The following ZNF878 variants were observed in gnomAD, a reference collection of about 807,000 sequenced individuals.
ZNF878 encodes the protein zinc finger protein 878.
A neutral mutation model predicts 11.1 loss-of-function variants in ZNF878; 10 were observed. The ratio of observed to expected loss-of-function variants is 0.90; its 90% confidence interval spans 0.56 to 1.53. The LOEUF is 1.53. ZNF878 is among the 40% of genes most tolerant of loss of function. The pLI is 0.00. For synonymous variants in ZNF878, 165 were observed against 209.7 expected, an observed-to-expected ratio of 0.79 and a Z score of 1.84; for missense variants, 548 against 626.1, an observed-to-expected ratio of 0.88 and a Z score of 1.33.
intron 1 of ZNF878, among the ~76,000 whole-genome samples, chr19:12,049,299 A>G (rs1419096485): frequency 1.3e-5 from 2 of 150,822 alleles, no homozygotes; most frequent in African/African-American, 4.9e-5. Flanking sequence ...CATCTCTACT[A>G]AAAATACAAA....
At position 12,045,184 on chromosome 19, in the gene ZNF878, CAG is replaced by C. The variant is rs946851297; in HGVS notation, c.215_216del (p.Ser72Ter). The C allele has an allele frequency of 2.5e-6, 4 of 1,609,568 alleles. No individual in the cohort carries two copies. Among genetic ancestry groups the C allele is most frequent in the Non-Finnish European group, 3.4e-6 (4 of 1,177,786 alleles). On this transcript the variant is annotated frameshift_variant, in exon 4 of 4. Coordinates refer to ENST00000547628, the MANE Select transcript of ZNF878 (RefSeq NM_001080404.3). LOFTEE classifies it low-confidence loss of function (END_TRUNC). ...NLRRLIGERL[S>X]ESKESHQHGE... is the part of the protein sequence containing the mutation. ...CCATGCTGATGACTTTCTTTACTTT[CAG>C]AGAGTCTCTCCCCTATAAGTCTTCT... is the stretch of plus-strand genomic sequence containing the variant.
In ZNF878 at chr19:12,044,078, A is replaced by G; in HGVS notation, c.1323T>C (p.His441=). 1 of 1,613,944 alleles carries G rather than the reference A, an allele frequency of 6.2e-7. No individual in the cohort carries two copies. The highest frequency in any genetic ancestry group is 1.3e-5 in the African/African-American group (1 of 74,952). Residue 441 remains histidine, a synonymous_variant, in exon 4 of 4, where the codon CAT becomes CAC. Coordinates refer to ENST00000547628, the MANE Select transcript of ZNF878 (RefSeq NM_001080404.3). ...VFRVASQLKM[H]ERTHTGEKPY... The stretch of plus-strand genomic sequence containing the variant: ...GTTTCTCTCCTGTGTGAGTCCTTTC[A>G]TGCATTTTAAGTTGTGAGGCAACTC...
At chr19:12,050,495 G>A (rs1012308382) in intron 1 of ZNF878, among the ~76,000 whole-genome samples, 1 of 152,156 alleles carries the variant, frequency 6.6e-6, no homozygotes, top group Non-Finnish European at 1.5e-5. Flanking sequence ...AATTTAAGCT[G>A]CTGGAACTCT....
At chr19:12,049,723 T>C (rs1405572022) in intron 1 of ZNF878, among the ~76,000 whole-genome samples, 4 of 150,526 alleles carry the variant, frequency 2.7e-5, no homozygotes, top group African/African-American at 9.8e-5. Context: ...TGAGCTGAAC[T>C]CACGCCATTG....
At chr19:12,052,336 T>C (rs1975559682) in intron 1 of ZNF878, among the ~76,000 whole-genome samples, 1 of 152,198 alleles carries the variant, frequency 6.6e-6, no homozygotes, top group African/African-American at 2.4e-5. Context: ...AAGCCAGGAC[T>C]GGGAGTTTCT....
At chr19:12,049,543 G>A (rs923576696) in intron 1 of ZNF878, among the ~76,000 whole-genome samples, 4 of 149,064 alleles carry the variant, frequency 2.7e-5, no homozygotes, top group South Asian at 2.1e-4. Context: ...AAGCCAAGGC[G>A]GGTGGAGCAT....
chr19:12,052,728 C>A, intron 1 of ZNF878, 71 bp downstream of exon 1: 1 of 1,528,552 alleles, frequency 6.5e-7, no homozygotes, highest in Non-Finnish European at 8.8e-7. Context: ...CGGGCCCCGC[C>A]ACAGCGGGTT....
rs1380736959 is a variant in ZNF878 at position 12,045,107 on chromosome 19, T to C, written c.294A>G (p.Gly98=). The stretch of plus-strand genomic sequence containing the variant: ...ACACACTGCTTTCATATGATTGTAC[T>C]CCAGGAGTTTTCTTCTTCAGTGTGT... The part of the protein sequence containing the change: ...PDDTLKKKTP[G]VQSYESSVCG... The change falls in exon 4 of 4, where the codon GGA becomes GGG. Residue 98 remains glycine (G), a synonymous_variant. Transcript: ENST00000547628. The C allele has an allele frequency of 6.2e-7, 1 of 1,613,334 alleles. No homozygotes were observed.
downstream of ZNF878, chr19:12,043,661 A>G: frequency 1.3e-6 from 1 of 760,062 alleles, no homozygotes; most frequent in Non-Finnish European, 2.1e-6. Flanking sequence ...AGCTGGTCTC[A>G]ACCTCTTCAG....
intron 1 of ZNF878, 136 bp from the exon 2 acceptor site, chr19:12,046,896 T>C: frequency 7.6e-7 from 1 of 1,314,882 alleles, no homozygotes. Flanking sequence ...GGTCATCAGA[T>C]CCCTTACTCT....
intron 3 of ZNF878, chr19:12,046,076 G>C (rs1400222045): frequency 8.8e-6 from 3 of 340,726 alleles, no homozygotes; most frequent in African/African-American, 2.1e-5. Context: ...CTTTTTGTCT[G>C]TTTAGTTTTG....
chr19:12,045,220 T>C lies in ZNF878; in HGVS notation c.192-11A>G, dbSNP rs760759497. 6.4e-7 allele frequency: 1 copy of C among 1,573,460 alleles called. No individual in the cohort carries two copies. The highest frequency in any genetic ancestry group is 8.6e-7 in the Non-Finnish European group (1 of 1,160,524). The stretch of plus-strand genomic sequence containing the variant: ...TCCCCTATAAGTCTTCTGTGAACAA[T>C]GAAAGCACATTATAATGGGTTTATC... On this transcript the variant is annotated splice_polypyrimidine_tract_variant and intron_variant, in intron 3 of 3. Transcript: ENST00000547628.
At position 12,044,125 on chromosome 19, in the gene ZNF878, T is replaced by C. The variant is rs1975429761; in HGVS notation, c.1276A>G (p.Lys426Glu). The change falls in exon 4 of 4, where the codon AAG (lysine) becomes GAG (glutamate). Residue 426 changes from lysine to glutamate, a missense_variant. Physicochemically the swap from Lys to Glu is moderately conservative, Grantham distance 56. Coordinates refer to ENST00000547628, the MANE Select transcript of ZNF878 (RefSeq NM_001080404.3). ...ACTCTAAAGACTTTACCACATTGCTTACATCCATAGGGTTTCTCTCCTGTG... is the reference window on the plus strand; with the variant it reads ...ACTCTAAAGACTTTACCACATTGCTCACATCCATAGGGTTTCTCTCCTGTG... The part of the protein sequence containing the change: ...THTGEKPYGC[K>E]QCGKVFRVAS... The C allele has an allele frequency of 4.3e-6, 7 of 1,614,062 alleles. No individual in the cohort carries two copies. The highest frequency in any genetic ancestry group is 1.6e-4 in the Middle Eastern group (1 of 6,062).
At chr19:12,046,861 A>G in intron 1 of ZNF878, 101 bp from the exon 2 acceptor site, 1 of 1,508,686 alleles carries the variant, frequency 6.6e-7, no homozygotes, top group Non-Finnish European at 9.0e-7. Flanking sequence ...TGGTGTGTGG[A>G]CTCCAAACAT....
chr19:12,045,048 T>C lies in ZNF878; in HGVS notation c.353A>G (p.Asn118Ser). ...ATAACTAAAGGCTCTGAGGTGCCTA[T>C]TAAGGGATGAAAGACCTATGCCGAT... Reference protein sequence around the residue: ...GEIGIGLSSLNRHLRAFSYSS... With the variant: ...GEIGIGLSSLSRHLRAFSYSS... Residue 118 changes from asparagine (N) to serine (S), a missense_variant, in exon 4 of 4, where the codon AAT becomes AGT. Coordinates refer to ENST00000547628, the MANE Select transcript of ZNF878 (RefSeq NM_001080404.3). 6.2e-7 allele frequency: 1 copy of C among 1,614,078 alleles called. No individual in the cohort carries two copies. Among genetic ancestry groups the C allele is most frequent in the Non-Finnish European group, 8.5e-7 (1 of 1,179,986 alleles).
chr19:12,052,036 A>C (rs1975556830), intron 1 of ZNF878, among the ~76,000 whole-genome samples: 1 of 152,022 alleles, frequency 6.6e-6, no homozygotes, highest in Non-Finnish European at 1.5e-5. Flanking sequence ...AGCTTTACAC[A>C]CTCTCAACCA....
intron 1 of ZNF878, among the ~76,000 whole-genome samples, chr19:12,051,507 C>T (rs1422997376): frequency 6.6e-6 from 1 of 151,870 alleles, no homozygotes; most frequent in African/African-American, 2.4e-5. Flanking sequence ...TGCAGTGGGG[C>T]ATTCCACTGT....
At chr19:12,046,964 G>T (rs977927100) in intron 1 of ZNF878, among the ~76,000 whole-genome samples, 19 of 152,134 alleles carry the variant, frequency 1.2e-4, no homozygotes, top group African/African-American at 4.6e-4. Context: ...ACTCTGGATG[G>T]GGTAAAGCAA....
At chr19:12,049,678 G>A (rs981245522) in intron 1 of ZNF878, among the ~76,000 whole-genome samples, 3 of 151,614 alleles carry the variant, frequency 2.0e-5, no homozygotes, top group Admixed American at 6.6e-5. Context: ...GCTGAGGCAG[G>A]AGAATCACTT....
Sources: gnomAD v4.1 joint callset for allele counts (sites outside exome capture counted in the v4.1 genomes callset) on GRCh38, gnomAD v4.1.1 for gene constraint, MANE v1.5 for transcripts, NCBI Gene and HGNC (gene_info 2026-07-23, HGNC 2026-07-21) for gene names.